SEC22A: variants seen among roughly 807,000 people sequenced by gnomAD.
SEC22A encodes SEC22 homolog A, vesicle trafficking protein.
SEC22A carries 22 observed loss-of-function variants against 35.3 expected under a neutral mutation model. The ratio of observed to expected loss-of-function variants is 0.62; its 90% CI spans 0.45 to 0.89. The LOEUF (loss-of-function observed/expected upper bound fraction) is 0.89. SEC22A is among the 40% of genes least tolerant of loss of function. The probability of loss-of-function intolerance (pLI) is 0.00; values close to 1 mark genes in which losing one functional copy is unlikely to be tolerated. For synonymous variants in SEC22A, 119 were observed against 129.5 expected (o/e 0.92, Z 0.55); for missense variants, 354 against 362.5 (o/e 0.98, Z 0.19).
intron 5 of SEC22A, among the ~76,000 whole-genome samples, chr3:123,246,937 A>T (rs1356712290): frequency 5.9e-5 from 9 of 152,252 alleles, no homozygotes. Context: ...AGCAGATGAC[A>T]TCACAGGTTC....
At chr3:123,253,301 A>G (rs1265840908) in intron 5 of SEC22A, among the ~76,000 whole-genome samples, 1 of 152,216 alleles carries the variant, frequency 6.6e-6, no homozygotes, top group African/African-American at 2.4e-5. Context: ...AGGACAGACA[A>G]TCTAAGATTT....
rs76961813 is a variant in SEC22A at position 123,218,622 on chromosome 3, C to A, written c.183-4937C>A. 5.9e-3 allele frequency among the ~76,000 whole-genome samples: 898 copies of A among 152,244 alleles called. 8 individuals carry two copies. Among genetic ancestry groups the A allele is most frequent in the African/African-American group, 0.02 (827 of 41,546 alleles). On this transcript the variant is annotated intron_variant, in intron 2 of 6. Transcript: ENST00000492595. Reference sequence around the variant, plus strand: ...CTCTTAAGGACATGTCGAAGATTCACTGACCTGAACCCTCAATAAAGCCTT... The same window carrying A: ...CTCTTAAGGACATGTCGAAGATTCAATGACCTGAACCCTCAATAAAGCCTT...
chr3:123,271,880 C>T lies in SEC22A; in HGVS notation c.*158C>T, dbSNP rs973070050. On this transcript the variant is annotated 3_prime_UTR_variant, in exon 7 of 7. Coordinates refer to ENST00000492595, the MANE Select transcript of SEC22A (RefSeq NM_012430.5). ...AAAATCAGCATGATGTGCCTGTGAG[C>T]ATGGAAGAGTCCTCTCAGAAGAATG... The T allele has an allele frequency of 1.5e-5, 9 of 618,538 alleles. No homozygotes were observed. The highest frequency in any genetic ancestry group is 2.5e-5 in the Non-Finnish European group (9 of 356,344). The allele number at this position is 618,538 out of a possible 1,614,324, so 38.3% of individuals were successfully genotyped here. A position where few individuals can be genotyped will look rare whatever the true frequency, so the allele number is the denominator to read the frequency against.
chr3:123,239,372 T>G (rs753848669), intron 4 of SEC22A, among the ~76,000 whole-genome samples: 1 of 152,190 alleles, frequency 6.6e-6, no homozygotes, highest in Non-Finnish European at 1.5e-5. Flanking sequence ...TATATACATG[T>G]GCTATGCTGG....
At chr3:123,239,646 A>G (rs1454231657) in intron 4 of SEC22A, among the ~76,000 whole-genome samples, 1 of 152,088 alleles carries the variant, frequency 6.6e-6, no homozygotes, top group Admixed American at 6.6e-5. Context: ...GTGTATGTTC[A>G]TATCCTTCGC....
At chr3:123,229,870 A>AT (rs1553710279) in intron 4 of SEC22A, among the ~76,000 whole-genome samples, 16 of 151,198 alleles carry the variant, frequency 1.1e-4, no homozygotes, top group Non-Finnish European at 1.8e-4. Flanking sequence ...TCAAAAAAAA[A>AT]AAATAAATAA....
chr3:123,251,296 CT>C lies in SEC22A; in HGVS notation c.657+5288del, dbSNP rs549672088. Among the ~76,000 whole-genome samples, 534 of 152,178 alleles carry C rather than the reference CT, an allele frequency of 3.5e-3. 1 individual carries two copies. The highest frequency in any genetic ancestry group is 6.8e-3 in the Middle Eastern group (2 of 294). ...TGAATGGGGAAAAGGTTAGAGTGGT[CT>C]TTTTTATTAGTAGGTCATTTATAAT... On this transcript the variant is annotated intron_variant, in intron 5 of 6. Coordinates refer to ENST00000492595, the MANE Select transcript of SEC22A (RefSeq NM_012430.5).
chr3:123,227,962 A>C (rs1199401074), intron 4 of SEC22A, among the ~76,000 whole-genome samples: 1 of 151,730 alleles, frequency 6.6e-6, no homozygotes, highest in African/African-American at 2.4e-5. Flanking sequence ...AAAAAAAAAA[A>C]ACTCCAGTTC....
chr3:123,264,383 C>G (rs1211757318), intron 6 of SEC22A, among the ~76,000 whole-genome samples: 3 of 152,122 alleles, frequency 2.0e-5, no homozygotes, highest in African/African-American at 7.2e-5. Context: ...AACTGAAAAA[C>G]TTTTCCAGAG....
intron 2 of SEC22A, among the ~76,000 whole-genome samples, chr3:123,216,516 A>G (rs1258059374): frequency 6.6e-6 from 1 of 152,146 alleles, no homozygotes; most frequent in African/African-American, 2.4e-5. Context: ...TTCATTTTTA[A>G]TGATGTTAAA....
At chr3:123,256,594 T>A (rs1032993329) in intron 5 of SEC22A, among the ~76,000 whole-genome samples, 3 of 152,118 alleles carry the variant, frequency 2.0e-5, no homozygotes, top group East Asian at 1.9e-4. Context: ...CTTTCTTTTT[T>A]CTCTATGCAG....
chr3:123,210,737 G>T (rs1936928236), intron 2 of SEC22A, among the ~76,000 whole-genome samples: 3 of 152,160 alleles, frequency 2.0e-5, no homozygotes, highest in African/African-American at 7.2e-5. Flanking sequence ...CATACAGAAG[G>T]AAATAAGGTA....
At chr3:123,259,885 C>T (rs1231061505) in intron 6 of SEC22A, among the ~76,000 whole-genome samples, 1 of 151,994 alleles carries the variant, frequency 6.6e-6, no homozygotes, top group African/African-American at 2.4e-5. Flanking sequence ...GTAATCCCAG[C>T]ACTTTAGGAG....
In SEC22A at chr3:123,272,500, T is replaced by G. The variant is rs1388580734; in HGVS notation, c.*778T>G. The G allele has an allele frequency of 1.3e-5, 2 of 152,204 alleles. No homozygotes were observed. Among genetic ancestry groups the G allele is most frequent in the Non-Finnish European group, 2.9e-5 (2 of 68,038 alleles). 9.4% of individuals were successfully genotyped at this position (152,204 alleles called of 1,614,324 possible). A position where few individuals can be genotyped will look rare whatever the true frequency, so the allele number is the denominator to read the frequency against. The stretch of plus-strand genomic sequence containing the variant: ...AATATTTATCTTTTAAATTTTAAAG[T>G]TTTTTTAAAAAAATGAATCCTGCTC... On this transcript the variant is annotated 3_prime_UTR_variant, in exon 7 of 7. Transcript: ENST00000492595.
intron 5 of SEC22A, among the ~76,000 whole-genome samples, chr3:123,257,653 C>G (rs914723587): frequency 1.3e-5 from 2 of 148,430 alleles, no homozygotes; most frequent in African/African-American, 2.5e-5. Context: ...GAGCCGAGAT[C>G]GCGCCACTGC....
chr3:123,272,251 A>G lies in SEC22A; in HGVS notation c.*529A>G, dbSNP rs1160467862. ...TGTGAAATTGGTTCTTTTTACTTTT[A>G]TATTTTTGCTTGAATCTTAACTCTG... On this transcript the variant is annotated 3_prime_UTR_variant, in exon 7 of 7. Coordinates refer to ENST00000492595, the MANE Select transcript of SEC22A (RefSeq NM_012430.5). 1 of 152,850 alleles carries G rather than the reference A, an allele frequency of 6.5e-6. No homozygotes were observed. The highest frequency in any genetic ancestry group is 2.4e-5 in the African/African-American group (1 of 41,468). 9.5% of individuals were successfully genotyped at this position (152,850 alleles called of 1,614,324 possible). A position where few individuals can be genotyped will look rare whatever the true frequency, so the allele number is the denominator to read the frequency against.
chr3:123,228,101 A>G (rs1441393117), intron 4 of SEC22A, among the ~76,000 whole-genome samples: 1 of 152,174 alleles, frequency 6.6e-6, no homozygotes, highest in African/African-American at 2.4e-5. Context: ...ATGTGGGAGA[A>G]GAGGGTAACA....
chr3:123,207,599 G>A (rs1029169619), intron 1 of SEC22A, among the ~76,000 whole-genome samples: 25 of 152,178 alleles, frequency 1.6e-4, no homozygotes, highest in Admixed American at 1.1e-3. Context: ...TAAAAAGTAT[G>A]GGCCTTAGAC....
chr3:123,237,930 T>C (rs538992380), intron 4 of SEC22A, among the ~76,000 whole-genome samples: 94 of 152,214 alleles, frequency 6.2e-4, no homozygotes, highest in African/African-American at 2.2e-3. Flanking sequence ...GGTGGGAGGA[T>C]GGTTTGAGCC....
Sources: allele counts gnomAD v4.1 joint callset (sites outside exome capture counted in the v4.1 genomes callset), GRCh38; gene constraint gnomAD v4.1.1; transcripts MANE v1.5; gene names NCBI Gene and HGNC (gene_info 2026-07-23, HGNC 2026-07-21).